The following BCAR3 variants were observed in gnomAD, a reference collection of about 807,000 sequenced individuals.
The protein encoded by BCAR3 is BCAR3 adaptor protein, NSP family member.
A neutral mutation model predicts 80.1 loss-of-function variants in BCAR3; 37 were observed. That is an observed-to-expected ratio of 0.46 (90% CI 0.36 to 0.61). The LOEUF (loss-of-function observed/expected upper bound fraction) is 0.61, where lower values mean the gene tolerates loss of function less well. Among genes scored for constraint, BCAR3 ranks in the 20% least tolerant of loss-of-function variants. The pLI, the probability that BCAR3 is intolerant of heterozygous loss-of-function variation, is 0.00. For synonymous variants in BCAR3, 389 were observed against 418.9 expected (o/e 0.93, Z 0.87); for missense variants, 978 against 1,068.2 (o/e 0.92, Z 1.18).
chr1:93,753,523 T>C (rs1013176113), intron 2 of BCAR3: 2 of 149,540 alleles, frequency 1.3e-5, no homozygotes, highest in African/African-American at 2.5e-5. Flanking sequence ...CTGCACTGCA[T>C]GCGCGCATAT....
chr1:93,582,525 C>T lies in BCAR3; in HGVS notation c.1462G>A (p.Glu488Lys). ...TTCTCCATCTGAGCTGCCGCAGGTT[C>T]CCAAGGTCTTTCCCTGTCATCATCA... The part of the protein sequence containing the change: ...LDDDDRERPW[E>K]PAAAQMEKGQ... The change falls in exon 7 of 12, where the codon GAA becomes AAA. Residue 488 changes from glutamate (E) to lysine (K), a missense_variant. Transcript: ENST00000260502. The T allele has an allele frequency of 6.2e-7, 1 of 1,613,888 alleles. No individual in the cohort carries two copies. The highest frequency in any genetic ancestry group is 8.5e-7 in the Non-Finnish European group (1 of 1,179,942).
At chr1:93,839,754 G>T (rs774605574) in intron 2 of BCAR3, among the ~76,000 whole-genome samples, 2 of 152,118 alleles carry the variant, frequency 1.3e-5, no homozygotes, top group Non-Finnish European at 2.9e-5. Context: ...GCTTTTTGAT[G>T]GAGTTTTGAG....
chr1:93,687,458 C>T (rs1348463488), intron 3 of BCAR3, among the ~76,000 whole-genome samples: 1 of 152,116 alleles, frequency 6.6e-6, no homozygotes, highest in African/African-American at 2.4e-5. Context: ...CAGGTGTGCG[C>T]CACAATGCCA....
intron 7 of BCAR3, among the ~76,000 whole-genome samples, chr1:93,577,270 G>A (rs1034838424): frequency 3.1e-4 from 28 of 91,768 alleles, no homozygotes; most frequent in Non-Finnish European, 5.7e-4. Flanking sequence ...GGCAGGCATG[G>A]GACGGTTCCT....
chr1:93,576,223 T>C, intron 7 of BCAR3, 94 bp from the exon 8 acceptor site: 1 of 799,354 alleles, frequency 1.3e-6, no homozygotes, highest in Admixed American at 2.2e-5. Flanking sequence ...TGAACTACGA[T>C]GGCGTGGACA....
chr1:93,688,849 C>A (rs1042520186), intron 3 of BCAR3, among the ~76,000 whole-genome samples: 1 of 152,034 alleles, frequency 6.6e-6, no homozygotes, highest in African/African-American at 2.4e-5. Context: ...GTTGGCCAGG[C>A]TGCTCTCAAA....
At chr1:93,663,534 T>A (rs1229385196) in intron 2 of BCAR3, among the ~76,000 whole-genome samples, 1 of 152,192 alleles carries the variant, frequency 6.6e-6, no homozygotes, top group Non-Finnish European at 1.5e-5. Flanking sequence ...GGATTGCTTA[T>A]CAATCCAGTG....
intron 3 of BCAR3, among the ~76,000 whole-genome samples, chr1:93,696,894 T>C (rs896666806): frequency 2.0e-5 from 3 of 152,218 alleles, no homozygotes; most frequent in African/African-American, 4.8e-5. Flanking sequence ...CCAGATTATA[T>C]GGTAAATCCA....
intron 2 of BCAR3, among the ~76,000 whole-genome samples, chr1:93,844,381 C>T (rs141397041): frequency 1.2e-3 from 186 of 152,338 alleles, no homozygotes; most frequent in African/African-American, 4.3e-3. Flanking sequence ...CGAACTCAAA[C>T]TGCAGATGTG....
At chr1:93,640,186 C>A (rs557811209) in intron 3 of BCAR3, among the ~76,000 whole-genome samples, 1 of 152,140 alleles carries the variant, frequency 6.6e-6, no homozygotes, top group East Asian at 1.9e-4. Flanking sequence ...ACTTATGAGG[C>A]CTTCCTGGCA....
chr1:93,786,246 T>C (rs565286673), intron 2 of BCAR3, among the ~76,000 whole-genome samples: 2 of 145,296 alleles, frequency 1.4e-5, no homozygotes, highest in African/African-American at 5.1e-5. Flanking sequence ...CCTTGCTCCC[T>C]GGGAATGCTC....
At chr1:93,632,610 T>C (rs904388425) in intron 3 of BCAR3, among the ~76,000 whole-genome samples, 1 of 152,198 alleles carries the variant, frequency 6.6e-6, no homozygotes, top group African/African-American at 2.4e-5. Context: ...GTAAGTGGAG[T>C]AGAATCTGTA....
intron 2 of BCAR3, among the ~76,000 whole-genome samples, chr1:93,785,660 T>C (rs1652911575): frequency 1.3e-5 from 2 of 152,192 alleles, no homozygotes; most frequent in Non-Finnish European, 2.9e-5. Context: ...TTAATGCTTT[T>C]AAGAAAAACC....
intron 11 of BCAR3, among the ~76,000 whole-genome samples, chr1:93,565,005 C>T (rs1190740085): frequency 6.6e-6 from 1 of 152,136 alleles, no homozygotes; most frequent in Non-Finnish European, 1.5e-5. Context: ...ATCTAGATCA[C>T]AGGATCTTGG....
intron 2 of BCAR3, among the ~76,000 whole-genome samples, chr1:93,776,330 T>C (rs572778295): frequency 7.9e-5 from 12 of 152,180 alleles, no homozygotes; most frequent in Non-Finnish European, 1.6e-4. Flanking sequence ...TTGGCTAACT[T>C]TGTTTCATAG....
At chr1:93,702,605 C>T (rs567815990) in intron 3 of BCAR3, among the ~76,000 whole-genome samples, 70 of 152,314 alleles carry the variant, frequency 4.6e-4, no homozygotes, top group African/African-American at 1.4e-3. Context: ...GACTCTGCTG[C>T]TCCAGTCACA....
intron 3 of BCAR3, among the ~76,000 whole-genome samples, chr1:93,696,526 G>C (rs1046874646): frequency 6.6e-6 from 1 of 151,688 alleles, no homozygotes; most frequent in Non-Finnish European, 1.5e-5. Flanking sequence ...TTCCTCTCTC[G>C]CCTGGACTCT....
upstream of BCAR3, chr1:93,847,623 T>G (rs1278991756): frequency 1.3e-5 from 2 of 152,634 alleles, no homozygotes; most frequent in African/African-American, 4.8e-5. Flanking sequence ...GCTGAAGGCA[T>G]TCAAAGGTTC....
intron 3 of BCAR3, among the ~76,000 whole-genome samples, chr1:93,595,421 T>A (rs1433813957): frequency 3.3e-5 from 5 of 152,210 alleles, no homozygotes; most frequent in African/African-American, 1.2e-4. Context: ...CTGGCTCGAA[T>A]ACACTGCAGA....
Sources: allele counts gnomAD v4.1 joint callset (sites outside exome capture counted in the v4.1 genomes callset), GRCh38; gene constraint gnomAD v4.1.1; transcripts MANE v1.5; gene names NCBI Gene and HGNC (gene_info 2026-07-23, HGNC 2026-07-21).